ANP32B: variants seen among roughly 807,000 people sequenced by gnomAD.
ANP32B encodes acidic leucine-rich nuclear phosphoprotein 32 family member B.
ANP32B carries 6 observed loss-of-function variants against 32.2 expected under a neutral mutation model. That is an observed-to-expected ratio of 0.19 (90% CI 0.10 to 0.37). The LOEUF is 0.37. Among genes scored for constraint, ANP32B ranks in the 10% least tolerant of loss-of-function variants. The pLI is 1.00. For missense variants in ANP32B, 204 were observed against 289.2 expected (o/e 0.71, Z 2.14); for synonymous variants, 98 against 105.8 (o/e 0.93, Z 0.45).
chr9:97,983,478 C>T lies in ANP32B; in HGVS notation c.-78C>T, dbSNP rs1208803841. On this transcript the variant is annotated 5_prime_UTR_variant, in exon 1 of 7. Transcript: ENST00000339399. ...TAGCAAACCCTTCCGACGGCCCTCG[C>T]TGCGCAAGCCGGGACGCCTCTCCCC... 1.1e-5 allele frequency: 15 copies of T among 1,350,360 alleles called. No homozygotes were observed. Among genetic ancestry groups the T allele is most frequent in the South Asian group, 1.3e-5 (1 of 77,684 alleles). The allele number at this position is 1,350,360 out of a possible 1,614,324, so 83.6% of individuals were successfully genotyped here.
intron 3 of ANP32B, among the ~76,000 whole-genome samples, chr9:98,000,016 A>G (rs1327167659): frequency 6.6e-6 from 1 of 152,274 alleles, no homozygotes; most frequent in Non-Finnish European, 1.5e-5. Flanking sequence ...AGGGGAAGAC[A>G]GTTAAATTGT....
rs1034080391 is a variant in ANP32B at position 98,014,216 on chromosome 9, G to T, written c.689-1148G>T. ...AGGTCAGGAGATCGAGACCATCCTGGCTAACACGGTGAAACCCCGTCTCTA... is the reference window on the plus strand; with the variant it reads ...AGGTCAGGAGATCGAGACCATCCTGTCTAACACGGTGAAACCCCGTCTCTA... On this transcript the variant is annotated intron_variant, in intron 6 of 6. Transcript: ENST00000339399. Among the ~76,000 whole-genome samples the T allele has an allele frequency of 3.2e-4, 48 of 152,176 alleles. 1 individual carries two copies. The highest frequency in any genetic ancestry group is 1.1e-3 in the African/African-American group (47 of 41,528).
chr9:97,983,642 C>T (rs538639728), intron 1 of ANP32B, 33 bp downstream of exon 1: 2 of 1,518,900 alleles, frequency 1.3e-6, no homozygotes, highest in Non-Finnish European at 1.8e-6. Flanking sequence ...GCCCTCTCCC[C>T]CGATGACTTG....
chr9:97,990,310 C>G (rs142704156), intron 1 of ANP32B, among the ~76,000 whole-genome samples: 3 of 152,174 alleles, frequency 2.0e-5, no homozygotes, highest in African/African-American at 7.2e-5. Context: ...AAACAATATC[C>G]GAGCTCAGAA....
At chr9:97,984,764 T>G (rs1397370185) in intron 1 of ANP32B, 1 of 149,098 alleles carries the variant, frequency 6.7e-6, no homozygotes, top group Non-Finnish European at 1.5e-5. Flanking sequence ...CGCCGCCGAC[T>G]CATCCCGTCG....
chr9:97,983,761 G>A (rs1248351377), intron 1 of ANP32B, 152 bp downstream of exon 1: 7 of 531,364 alleles, frequency 1.3e-5, no homozygotes, highest in South Asian at 1.8e-4. Context: ...GGCGCGGAGG[G>A]GGGAGCGAGC....
At chr9:98,011,482 T>A in intron 5 of ANP32B, 93 bp downstream of exon 5, 1 of 1,490,378 alleles carries the variant, frequency 6.7e-7, no homozygotes, top group East Asian at 2.3e-5. Flanking sequence ...AAAAAACACC[T>A]TTTGAAGAAA....
intron 1 of ANP32B, among the ~76,000 whole-genome samples, chr9:97,984,119 C>T (rs1587868203): frequency 1.3e-5 from 2 of 149,784 alleles, no homozygotes; most frequent in South Asian, 4.1e-4. Context: ...GCCGTGGGCG[C>T]CGGCCCGGCC....
intron 2 of ANP32B, among the ~76,000 whole-genome samples, chr9:97,996,825 C>T (rs914920470): frequency 6.6e-6 from 1 of 151,790 alleles, no homozygotes; most frequent in Admixed American, 6.6e-5. Context: ...GTTTCGAACT[C>T]CTGACCTCAG....
At chr9:98,002,128 T>G (rs960985746) in intron 3 of ANP32B, 13 of 152,186 alleles carry the variant, frequency 8.5e-5, no homozygotes, top group African/African-American at 3.1e-4. Flanking sequence ...GGGGAAGAGT[T>G]GGGTCCATTT....
Position 97,998,552 on chromosome 9 carries a change from G to T in ANP32B, c.205-4G>T, listed in dbSNP as rs1374481201. ...GTTTGTGTTGTGTCCATTTTCTCTT[G>T]CAGCTTGAACTCAGTGAAAATAGAA... is the stretch of plus-strand genomic sequence containing the variant. On this transcript the variant is annotated splice_polypyrimidine_tract_variant and splice_region_variant and intron_variant, in intron 2 of 6. Coordinates refer to ENST00000339399, the MANE Select transcript of ANP32B (RefSeq NM_006401.3). 1 of 1,600,464 alleles carries T rather than the reference G, an allele frequency of 6.2e-7. No homozygotes were observed. Among genetic ancestry groups the T allele is most frequent in the Non-Finnish European group, 8.5e-7 (1 of 1,175,966 alleles).
intron 1 of ANP32B, among the ~76,000 whole-genome samples, chr9:97,989,549 G>A (rs1827790284): frequency 6.6e-6 from 1 of 152,160 alleles, no homozygotes; most frequent in Non-Finnish European, 1.5e-5. Context: ...AAATGAACAA[G>A]TGCCTGCCTA....
rs1161765131 is a variant in ANP32B, at chr9:97,983,905, C to T, written c.54+296C>T. 2.6e-5 allele frequency among the ~76,000 whole-genome samples: 4 copies of T among 152,026 alleles called. No homozygotes were observed. The East Asian group carries it at 7.8e-4, about 30-fold the overall frequency. On this transcript the variant is annotated intron_variant, in intron 1 of 6. Coordinates refer to ENST00000339399, the MANE Select transcript of ANP32B (RefSeq NM_006401.3). ...CTGAGGGAGCGCGTGTGCAAGTGGC[C>T]GGCGGCGAGAGAGGGAGGCGGGGGT...
At chr9:98,010,701 TC>T (rs967934293) in intron 4 of ANP32B, among the ~76,000 whole-genome samples, 1 of 152,002 alleles carries the variant, frequency 6.6e-6, no homozygotes, top group Non-Finnish European at 1.5e-5. Context: ...GCACTAGAGG[TC>T]CGAACAACCA....
At chr9:98,009,972 C>G (rs376667639) in intron 4 of ANP32B, among the ~76,000 whole-genome samples, 1 of 152,040 alleles carries the variant, frequency 6.6e-6, no homozygotes, top group Non-Finnish European at 1.5e-5. Flanking sequence ...CACTTATTTC[C>G]AAATGTTATG....
At chr9:98,011,878 A>T (rs1184251581) in intron 5 of ANP32B, among the ~76,000 whole-genome samples, 1 of 152,222 alleles carries the variant, frequency 6.6e-6, no homozygotes, top group Non-Finnish European at 1.5e-5. Context: ...AATACCCAAT[A>T]ATAGAGGATC....
chr9:98,015,478 C>G lies in ANP32B; in HGVS notation c.*47C>G, dbSNP rs1363629831. 2 of 1,537,398 alleles carry G rather than the reference C, an allele frequency of 1.3e-6. No homozygotes were observed. Among genetic ancestry groups the G allele is most frequent in the African/African-American group, 1.4e-5 (1 of 71,612 alleles). ...ACAGAACTGTTCAGTATTGGTTGGA[C>G]TGCTCATGGATTTTGTAGCTGTTTA... On this transcript the variant is annotated 3_prime_UTR_variant, in exon 7 of 7. Coordinates refer to ENST00000339399, the MANE Select transcript of ANP32B (RefSeq NM_006401.3).
chr9:97,987,276 C>A (rs894212439), intron 1 of ANP32B, among the ~76,000 whole-genome samples: 4 of 152,098 alleles, frequency 2.6e-5, no homozygotes, highest in Non-Finnish European at 5.9e-5. Context: ...AAGTAATCTT[C>A]ATGAAGAATG....
At chr9:98,013,088 A>G (rs1036171458) in intron 6 of ANP32B, among the ~76,000 whole-genome samples, 1 of 151,920 alleles carries the variant, frequency 6.6e-6, no homozygotes, top group African/African-American at 2.4e-5. Flanking sequence ...CACTGGTGCA[A>G]TCTAAGCTCA....
Sources: allele counts gnomAD v4.1 joint callset (sites outside exome capture counted in the v4.1 genomes callset), GRCh38; gene constraint gnomAD v4.1.1; transcripts MANE v1.5; gene names NCBI Gene and HGNC (gene_info 2026-07-23, HGNC 2026-07-21).